BOLL: variants seen among roughly 807,000 people sequenced by gnomAD.
BOLL encodes protein boule-like.
A neutral mutation model predicts 44.4 loss-of-function variants in BOLL; 23 were observed. The ratio of observed to expected loss-of-function variants is 0.52; its 90% CI spans 0.37 to 0.73. The LOEUF (loss-of-function observed/expected upper bound fraction) is 0.73. BOLL is among the 30% of genes least tolerant of loss of function. BOLL has a pLI of 0.00. For synonymous variants in BOLL, 97 were observed against 110.8 expected (o/e 0.88, Z 0.78); for missense variants, 287 against 338.3 (o/e 0.85, Z 1.19).
At position 197,767,725 on chromosome 2, in the gene BOLL, C is replaced by T. The variant is rs535045219; in HGVS notation, c.481-1122G>A. Reference sequence around the variant, plus strand: ...AACATCCTACAGTGCACAGGACAGACCTTCACAGCAAAGAAATAATCTGGC... The same window carrying T: ...AACATCCTACAGTGCACAGGACAGATCTTCACAGCAAAGAAATAATCTGGC... On this transcript the variant is annotated intron_variant, in intron 6 of 10. Coordinates refer to ENST00000392296, the MANE Select transcript of BOLL (RefSeq NM_033030.6). 2.0e-4 allele frequency among the ~76,000 whole-genome samples: 30 copies of T among 152,028 alleles called. 2 individuals carry two copies. The East Asian group carries it at 5.8e-3, about 29-fold the overall frequency.
chr2:197,786,141 G>A (rs775313446), upstream of BOLL: 2 of 1,286,820 alleles, frequency 1.6e-6, no homozygotes, highest in Non-Finnish European at 2.1e-6. The surrounding 1 kb of genome is among the most constrained non-coding windows in gnomAD (Gnocchi z 5.9). Flanking sequence ...TGTGGCAGCT[G>A]CAGGGAAGCA....
intron 10 of BOLL, among the ~76,000 whole-genome samples, chr2:197,730,047 AG>A (rs1440751114): frequency 6.9e-6 from 1 of 143,994 alleles, no homozygotes; most frequent in African/African-American, 2.6e-5. Flanking sequence ...CCAAAGGCAA[AG>A]AAGTTGAAAA....
chr2:197,765,769 T>C (rs1204161610), intron 7 of BOLL, among the ~76,000 whole-genome samples: 1 of 152,068 alleles, frequency 6.6e-6, no homozygotes, highest in East Asian at 1.9e-4. Flanking sequence ...TAAACTCGTG[T>C]CACAGGAGGT....
In BOLL at chr2:197,781,826, A is replaced by G; in HGVS notation, c.25T>C (p.Ser9Pro). 1 of 1,603,674 alleles carries G rather than the reference A, an allele frequency of 6.2e-7. No homozygotes were observed. Among genetic ancestry groups the G allele is most frequent in the African/African-American group, 1.3e-5 (1 of 74,930 alleles). ...GGCACAGGTGACACAGGATTAGGGG[A>G]TGGAGATAATGAATCTGTTTGCATC... MQTDSLSPSPNPVSPVPLN... is the reference protein window; with the variant it reads MQTDSLSPPPNPVSPVPLN... Residue 9 changes from serine to proline, a missense_variant, in exon 2 of 11, where the codon TCC becomes CCC. By Grantham distance (74) the Ser-to-Pro change is moderately conservative (BLOSUM62 -1). Transcript: ENST00000392296.
chr2:197,784,439 T>C lies in BOLL; in HGVS notation c.-16+617A>G, dbSNP rs1327282326. On this transcript the variant is annotated intron_variant, in intron 1 of 10. Transcript: ENST00000392296. The stretch of plus-strand genomic sequence containing the variant: ...ATATATATATATATATATATATATA[T>C]ATATATATATTTGAGACAGTCTTGC... 3.0e-5 allele frequency among the ~76,000 whole-genome samples: 3 copies of C among 99,558 alleles called. No individual in the cohort carries two copies. In the East Asian group the frequency reaches 8.1e-4, roughly 27 times the overall value. 65.3% of individuals were successfully genotyped at this position (99,558 alleles called of 152,430 possible).
intron 9 of BOLL, among the ~76,000 whole-genome samples, chr2:197,746,471 C>T (rs1687989866): frequency 6.6e-6 from 1 of 152,092 alleles, no homozygotes; most frequent in Non-Finnish European, 1.5e-5. Flanking sequence ...TCAGCCTTAA[C>T]AAAGAAGGAG....
At chr2:197,785,686 T>C (rs1690044311), upstream of BOLL, among the ~76,000 whole-genome samples, 1 of 152,190 alleles carries the variant, frequency 6.6e-6, no homozygotes, top group South Asian at 2.1e-4. The surrounding 1 kb of genome is among the most constrained non-coding windows in gnomAD (Gnocchi z 6.7). Context: ...CGGACTTCGC[T>C]GGGTGCCTGG....
At chr2:197,729,776 C>A (rs1304192589) in intron 10 of BOLL, among the ~76,000 whole-genome samples, 3 of 151,816 alleles carry the variant, frequency 2.0e-5, no homozygotes, top group African/African-American at 7.3e-5. Context: ...GGAAAACTAA[C>A]AAACAGAAAG....
At chr2:197,738,759 C>T (rs974346883) in intron 10 of BOLL, among the ~76,000 whole-genome samples, 2 of 152,086 alleles carry the variant, frequency 1.3e-5, no homozygotes, top group African/African-American at 4.8e-5. Context: ...AAGAATATTT[C>T]CACCTTTCTA....
Position 197,745,246 on chromosome 2 carries a change from A to T in BOLL, c.730-2087T>A, listed in dbSNP as rs528527721. ...AGTGAAGACGGTCACTTTTTTTTTT[A>T]AAAAAAGAAATTTGACTATAACACT... On this transcript the variant is annotated intron_variant, in intron 9 of 10. Coordinates refer to ENST00000392296, the MANE Select transcript of BOLL (RefSeq NM_033030.6). Among the ~76,000 whole-genome samples the T allele has an allele frequency of 6.5e-3, 982 of 151,868 alleles. 16 individuals are homozygous for T. The highest frequency in any genetic ancestry group is 0.022 in the African/African-American group (898 of 41,444).
chr2:197,767,927 T>C (rs1689068337), intron 6 of BOLL, among the ~76,000 whole-genome samples: 1 of 151,964 alleles, frequency 6.6e-6, no homozygotes, highest in Non-Finnish European at 1.5e-5. Context: ...ATGTTTTCAC[T>C]ACATCAATAC....
upstream of BOLL, chr2:197,785,973 C>T (rs751076151): frequency 1.9e-5 from 30 of 1,602,954 alleles, no homozygotes; most frequent in East Asian, 6.3e-4. This position sits in a 1 kb window ranked among gnomAD's most constrained non-coding sequence, Gnocchi z 6.7. Flanking sequence ...GCCCTGATCG[C>T]CGTACTCACC....
At chr2:197,784,298 G>T (rs1252176538) in intron 1 of BOLL, among the ~76,000 whole-genome samples, 5 of 150,238 alleles carry the variant, frequency 3.3e-5, no homozygotes, top group Non-Finnish European at 7.4e-5. Context: ...TCTGTTGAAT[G>T]ACTAAAAGTG....
intron 9 of BOLL, among the ~76,000 whole-genome samples, chr2:197,745,171 G>A (rs765317116): frequency 1.1e-4 from 17 of 152,222 alleles, no homozygotes; most frequent in Non-Finnish European, 2.1e-4. Context: ...GGTGCAATCT[G>A]GTAGTACTGA....
chr2:197,775,247 T>C (rs1488561264), intron 5 of BOLL, among the ~76,000 whole-genome samples: 4 of 151,890 alleles, frequency 2.6e-5, no homozygotes, highest in African/African-American at 9.7e-5. Flanking sequence ...GTACACAGCA[T>C]GCAGCGAGTT....
upstream of BOLL, chr2:197,785,837 G>T (rs561442541): frequency 3.6e-5 from 28 of 767,164 alleles, no homozygotes; most frequent in African/African-American, 4.3e-4. The surrounding 1 kb of genome is among the most constrained non-coding windows in gnomAD (Gnocchi z 6.7). Context: ...GGCAGCGGTC[G>T]ATGGGGCACC....
intron 9 of BOLL, among the ~76,000 whole-genome samples, chr2:197,743,970 C>T (rs558302449): frequency 4.7e-4 from 72 of 152,104 alleles, no homozygotes; most frequent in African/African-American, 1.6e-3. Context: ...CCACTACACC[C>T]GGCTAATTTT....
intron 9 of BOLL, among the ~76,000 whole-genome samples, chr2:197,754,446 A>C (rs1688410026): frequency 6.6e-6 from 1 of 152,206 alleles, no homozygotes; most frequent in African/African-American, 2.4e-5. Flanking sequence ...GCAGTGGCTC[A>C]TACCTGTAAT....
intron 7 of BOLL, among the ~76,000 whole-genome samples, chr2:197,765,242 G>A (rs1335889903): frequency 5.3e-5 from 8 of 151,730 alleles, no homozygotes; most frequent in Non-Finnish European, 1.0e-4. Flanking sequence ...TATACTGCTC[G>A]GGTGATGGGT....
Sources: allele counts gnomAD v4.1 joint callset (sites outside exome capture counted in the v4.1 genomes callset), GRCh38; gene constraint gnomAD v4.1.1; non-coding constraint Gnocchi (gnomAD v3.1); transcripts MANE v1.5; gene names NCBI Gene and HGNC (gene_info 2026-07-23, HGNC 2026-07-21).